GTF3C3: variants seen among roughly 807,000 people sequenced by gnomAD.
The protein encoded by GTF3C3 is general transcription factor IIIC subunit 3.
In GTF3C3, 75 loss-of-function variants were observed where a neutral mutation model predicts 105.2. The observed-to-expected ratio is 0.71, with a 90% CI of 0.59 to 0.86. The LOEUF is 0.86. GTF3C3 is among the 40% of genes least tolerant of loss of function. GTF3C3 has a pLI of 0.00. For synonymous variants in GTF3C3, 335 were observed against 370.4 expected (o/e 0.90, Z 1.10); for missense variants, 856 against 1,076.5 (o/e 0.80, Z 2.87).
intron 17 of GTF3C3, among the ~76,000 whole-genome samples, chr2:196,765,748 C>T (rs182792589): frequency 2.6e-5 from 4 of 151,882 alleles, no homozygotes; most frequent in East Asian, 1.9e-4. Flanking sequence ...CAGTGGCTCA[C>T]GCCTGTAATC....
At chr2:196,794,854 G>A (rs188453696) in intron 2 of GTF3C3, among the ~76,000 whole-genome samples, 1,600 of 150,690 alleles carry the variant, frequency 0.011, 31 homozygotes, top group African/African-American at 0.037. Flanking sequence ...TCAGCCTCCC[G>A]AATAGCTGGG....
At chr2:196,781,371 TA>T (rs1699357533) in intron 8 of GTF3C3, among the ~76,000 whole-genome samples, 1 of 101,488 alleles carries the variant, frequency 9.9e-6, no homozygotes, top group Admixed American at 9.8e-5. Context: ...TATATATATA[TA>T]TATATATATA....
chr2:196,795,143 G>A (rs1026930812), intron 2 of GTF3C3, among the ~76,000 whole-genome samples: 2 of 152,026 alleles, frequency 1.3e-5, no homozygotes, highest in African/African-American at 2.4e-5. Context: ...CTGTCTTCAA[G>A]CAGTCCATCT....
chr2:196,781,357 A>AAATATATATATATATATATAT lies in GTF3C3; in HGVS notation c.1115-696_1115-695insATATATATATATATATATATT. 1.6e-4 allele frequency among the ~76,000 whole-genome samples: 3 copies of AAATATATATATATATATATAT among 18,822 alleles called. 1 individual carries two copies. Among genetic ancestry groups the AAATATATATATATATATATAT allele is most frequent in the East Asian group, 0.011 (2 of 176 alleles). The allele number at this position is 18,822 out of a possible 152,430, so 12.3% of individuals were successfully genotyped here. A position where few individuals can be genotyped will look rare whatever the true frequency, so the allele number is the denominator to read the frequency against. On this transcript the variant is annotated intron_variant, in intron 8 of 17. Transcript: ENST00000263956. ...ATGTTAAGGGGAAAAAAAAAAAAAA[A>AAATATATATATATATATATAT]ATATATATATATATATATATATATA...
chr2:196,791,692 T>C (rs1699551832), intron 3 of GTF3C3: 1 of 373,764 alleles, frequency 2.7e-6, no homozygotes, highest in African/African-American at 2.1e-5. Flanking sequence ...TCCCAGCACT[T>C]TGGGAGGCTG....
chr2:196,766,733 A>AAGAT lies in GTF3C3; in HGVS notation c.2386-20_2386-17dup, dbSNP rs1559296327. ...AGGAAAAGCCCTAACCAAAAAGAAAAAGATAATTCAATATTTCACTGATTT... is the reference window on the plus strand; with the variant it reads ...AGGAAAAGCCCTAACCAAAAAGAAAAAGATAGATAATTCAATATTTCACTGATTT... On this transcript the variant is annotated splice_polypyrimidine_tract_variant and intron_variant, in intron 16 of 17. Transcript: ENST00000263956. 1.3e-6 allele frequency: 2 copies of AAGAT among 1,593,994 alleles called. No homozygotes were observed. Among genetic ancestry groups the AAGAT allele is most frequent in the South Asian group, 2.2e-5 (2 of 89,774 alleles).
At position 196,764,285 on chromosome 2, in the gene GTF3C3, C is replaced by G; in HGVS notation, c.*278G>C. ...TGAGTGAAAAATAGTGTATTCGACT[C>G]CAAGCTAGCTCAAAGGCTTACACGT... On this transcript the variant is annotated 3_prime_UTR_variant, in exon 18 of 18. Coordinates refer to ENST00000263956, the MANE Select transcript of GTF3C3 (RefSeq NM_012086.5). 4.0e-6 allele frequency: 1 copy of G among 248,138 alleles called. No individual in the cohort carries two copies. Among genetic ancestry groups the G allele is most frequent in the Middle Eastern group, 1.4e-3 (1 of 738 alleles). 15.4% of individuals were successfully genotyped at this position (248,138 alleles called of 1,614,324 possible). A position where few individuals can be genotyped will look rare whatever the true frequency, so the allele number is the denominator to read the frequency against.
In GTF3C3 at chr2:196,793,157, G is replaced by GA. The variant is rs771880848; in HGVS notation, c.215-6dup. On this transcript the variant is annotated splice_region_variant and splice_polypyrimidine_tract_variant and intron_variant, in intron 2 of 17. Coordinates refer to ENST00000263956, the MANE Select transcript of GTF3C3 (RefSeq NM_012086.5). Reference sequence around the variant, plus strand: ...TCACTCCATCTGATGTTTCTCCTGAGAAAAGAGACATTGATGGGGGAGGGG... The same window carrying GA: ...TCACTCCATCTGATGTTTCTCCTGAGAAAAAGAGACATTGATGGGGGAGGGG... 1 of 1,584,490 alleles carries GA rather than the reference G, an allele frequency of 6.3e-7. No individual in the cohort carries two copies. Among genetic ancestry groups the GA allele is most frequent in the Admixed American group, 1.8e-5 (1 of 56,898 alleles).
chr2:196,772,488 C>T (rs903243339), intron 14 of GTF3C3, among the ~76,000 whole-genome samples: 9 of 152,082 alleles, frequency 5.9e-5, no homozygotes, highest in Admixed American at 2.0e-4. Context: ...GCGGAGGTTG[C>T]GGTGAGCCGA....
chr2:196,777,298 C>T (rs530549386), intron 10 of GTF3C3, among the ~76,000 whole-genome samples: 2 of 152,226 alleles, frequency 1.3e-5, no homozygotes, highest in East Asian at 3.9e-4. Flanking sequence ...TGTTACCTGC[C>T]AGGCTCCCAA....
At position 196,770,033 on chromosome 2, in the gene GTF3C3, T is replaced by TA. The variant is rs750314252; in HGVS notation, c.2266dup (p.Tyr756LeufsTer10). ...AGGGTGAGTGCGAAAGGCTTGCACA[T>TA]ACTGTCCTGGAAAATAAGCAGTGGT... is the stretch of plus-strand genomic sequence containing the variant. On this transcript the variant is annotated frameshift_variant, in exon 16 of 18. Coordinates refer to ENST00000263956, the MANE Select transcript of GTF3C3 (RefSeq NM_012086.5). LOFTEE classifies it high-confidence loss of function. 6.5e-7 allele frequency: 1 copy of TA among 1,537,074 alleles called. No individual in the cohort carries two copies. Among genetic ancestry groups the TA allele is most frequent in the African/African-American group, 1.4e-5 (1 of 70,272 alleles).
intron 8 of GTF3C3, among the ~76,000 whole-genome samples, chr2:196,783,857 C>T (rs552694394): frequency 8.5e-5 from 13 of 152,152 alleles, no homozygotes; most frequent in Non-Finnish European, 1.5e-4. Context: ...CAGGAAATAT[C>T]ATACTCATCT....
At chr2:196,780,783 C>T (rs1045877730) in intron 8 of GTF3C3, 121 bp from the exon 9 acceptor site, 2 of 1,208,128 alleles carry the variant, frequency 1.7e-6, no homozygotes, top group African/African-American at 3.0e-5. Flanking sequence ...TTAGTGTGGC[C>T]AACTCTATTA....
chr2:196,771,216 G>C (rs1484654477), intron 15 of GTF3C3, among the ~76,000 whole-genome samples: 1 of 152,032 alleles, frequency 6.6e-6, no homozygotes, highest in Non-Finnish European at 1.5e-5. Context: ...GTTTCCTTGA[G>C]TTTAATTAGA....
intron 6 of GTF3C3, among the ~76,000 whole-genome samples, 173 bp downstream of exon 6, chr2:196,789,031 A>G (rs1292795343): frequency 6.6e-6 from 1 of 152,154 alleles, no homozygotes; most frequent in Non-Finnish European, 1.5e-5. Context: ...ATGCCATTAT[A>G]CTCCAGCCTG....
intron 1 of GTF3C3, among the ~76,000 whole-genome samples, chr2:196,798,398 A>G (rs1399470878): frequency 6.6e-6 from 1 of 151,860 alleles, no homozygotes; most frequent in East Asian, 1.9e-4. Flanking sequence ...GATGGCTCAC[A>G]CCTGTGGTCT....
chr2:196,771,695 G>A, intron 15 of GTF3C3, 53 bp downstream of exon 15: 1 of 1,238,208 alleles, frequency 8.1e-7, no homozygotes, highest in Admixed American at 1.7e-5. Flanking sequence ...CCAGAGGCTA[G>A]GCTCTTCACC....
At chr2:196,765,818 G>C (rs1490325134) in intron 17 of GTF3C3, among the ~76,000 whole-genome samples, 2 of 151,614 alleles carry the variant, frequency 1.3e-5, no homozygotes. Context: ...AGACCATCCT[G>C]GTTAACATGG....
chr2:196,771,587 C>A (rs1339972124), intron 15 of GTF3C3, among the ~76,000 whole-genome samples, 161 bp downstream of exon 15: 1 of 152,084 alleles, frequency 6.6e-6, no homozygotes, highest in Non-Finnish European at 1.5e-5. Flanking sequence ...AAAGTAGGTC[C>A]AATTATTATC....
Sources: gnomAD v4.1 joint callset for allele counts (sites outside exome capture counted in the v4.1 genomes callset) on GRCh38, gnomAD v4.1.1 for gene constraint, MANE v1.5 for transcripts, NCBI Gene and HGNC (gene_info 2026-07-23, HGNC 2026-07-21) for gene names.